The following SNX29 variants were observed in gnomAD, a reference collection of about 807,000 sequenced individuals.
SNX29 encodes sorting nexin-29.
Under a neutral mutation model 102.1 loss-of-function variants are expected in SNX29, and 78 were observed. The ratio of observed to expected loss-of-function variants is 0.76; its 90% CI spans 0.64 to 0.92. SNX29 has a LOEUF of 0.92. Ranked by LOEUF, SNX29 falls within the 40% of genes least tolerant of loss-of-function variation. SNX29 has a pLI of 0.00. For missense variants in SNX29, 1,280 were observed against 1,061.7 expected (o/e 1.21, Z -2.86); for synonymous variants, 580 against 414.5 (o/e 1.40, Z -4.85).
chr16:12,296,396 A>G (rs906164028), intron 15 of SNX29, among the ~76,000 whole-genome samples: 3 of 150,184 alleles, frequency 2.0e-5, no homozygotes, highest in African/African-American at 5.0e-5. Flanking sequence ...GAAATTTCCT[A>G]CAATTTTTTT....
chr16:12,348,942 C>T (rs2081911392), intron 15 of SNX29, among the ~76,000 whole-genome samples: 1 of 152,170 alleles, frequency 6.6e-6, no homozygotes, highest in Admixed American at 6.5e-5. Context: ...CCCACCCCTC[C>T]ACACTGTCAC....
intron 18 of SNX29, among the ~76,000 whole-genome samples, chr16:12,417,293 A>C (rs1295754985): frequency 2.0e-5 from 3 of 152,200 alleles, no homozygotes; most frequent in Non-Finnish European, 4.4e-5. Context: ...TGTGTTCAGC[A>C]TCTAGAGTGC....
chr16:12,460,207 C>T (rs1200093440), intron 18 of SNX29, among the ~76,000 whole-genome samples: 2 of 152,224 alleles, frequency 1.3e-5, no homozygotes, highest in African/African-American at 4.8e-5. Context: ...CCAACCACGG[C>T]TCGCAGCCAG....
intron 15 of SNX29, among the ~76,000 whole-genome samples, chr16:12,279,839 G>A (rs551005222): frequency 6.6e-5 from 10 of 152,314 alleles, no homozygotes; most frequent in Non-Finnish European, 8.8e-5. Flanking sequence ...GAAGGTGAAA[G>A]GGTTCTCAGA....
At chr16:12,275,677 G>A (rs1232762750) in intron 14 of SNX29, among the ~76,000 whole-genome samples, 2 of 113,906 alleles carry the variant, frequency 1.8e-5, no homozygotes, top group Non-Finnish European at 3.5e-5. Flanking sequence ...TGTTTTTTTT[G>A]TTTCCTCTCC....
intron 1 of SNX29, among the ~76,000 whole-genome samples, chr16:11,985,569 A>G (rs1159239228): frequency 2.0e-5 from 3 of 152,146 alleles, no homozygotes; most frequent in African/African-American, 7.2e-5. Context: ...CCGCTCCTCC[A>G]TGGAGCGGGC....
intron 20 of SNX29, among the ~76,000 whole-genome samples, chr16:12,563,274 C>T (rs1208869078): frequency 5.3e-5 from 8 of 152,080 alleles, no homozygotes; most frequent in Middle Eastern, 3.2e-3. Flanking sequence ...AGAGGAACGT[C>T]GGGTTCTGGA....
chr16:12,163,624 C>T (rs2055887967), intron 13 of SNX29, among the ~76,000 whole-genome samples: 1 of 152,118 alleles, frequency 6.6e-6, no homozygotes, highest in African/African-American at 2.4e-5. Context: ...GACTAGAAAT[C>T]TCCTGTAGAA....
intron 1 of SNX29, among the ~76,000 whole-genome samples, chr16:11,995,769 AAC>A (rs764599042): frequency 1.9e-4 from 29 of 152,188 alleles, no homozygotes; most frequent in Non-Finnish European, 4.0e-4. Context: ...GCTTACGAGA[AAC>A]ACAGAGTTGG....
At chr16:12,549,745 ACTTT>A (rs2077847702) in intron 20 of SNX29, among the ~76,000 whole-genome samples, 1 of 152,228 alleles carries the variant, frequency 6.6e-6, no homozygotes, top group Non-Finnish European at 1.5e-5. Flanking sequence ...TCCAGCATTT[ACTTT>A]GAGACCTGTT....
intron 16 of SNX29, among the ~76,000 whole-genome samples, chr16:12,376,422 A>T (rs1289077562): frequency 6.6e-6 from 1 of 152,126 alleles, no homozygotes; most frequent in African/African-American, 2.4e-5. Context: ...TGTAGGAATG[A>T]TTGATTGGTC....
At chr16:12,381,486 C>G (rs1192964841) in intron 16 of SNX29, among the ~76,000 whole-genome samples, 1 of 79,904 alleles carries the variant, frequency 1.3e-5, no homozygotes, top group Non-Finnish European at 2.4e-5. Flanking sequence ...CACCTAGCCA[C>G]CCACCCACTC....
At chr16:12,037,044 A>T (rs2057495697) in intron 4 of SNX29, among the ~76,000 whole-genome samples, 1 of 152,070 alleles carries the variant, frequency 6.6e-6, no homozygotes, top group African/African-American at 2.4e-5. Flanking sequence ...GTCTCGCTAC[A>T]TTATGGGGTG....
intron 15 of SNX29, among the ~76,000 whole-genome samples, chr16:12,304,022 G>C (rs897744008): frequency 6.6e-6 from 1 of 152,192 alleles, no homozygotes; most frequent in Admixed American, 6.5e-5. Flanking sequence ...AGTGTTTTCT[G>C]TTAACACATT....
rs574823250 is a variant in SNX29 at position 12,119,805 on chromosome 16, C to G, written c.1403-6828C>G. ...CTGTGTGGCCTGAGGCAAGTCACTT[C>G]CCTTCTCCTGGTCTCTGTTGCCTCA... is the stretch of plus-strand genomic sequence containing the variant. On this transcript the variant is annotated intron_variant, in intron 11 of 20. Transcript: ENST00000566228. Among the ~76,000 whole-genome samples the G allele has an allele frequency of 3.9e-5, 6 of 152,348 alleles. No individual in the cohort carries two copies. The South Asian group carries it at 1.2e-3, about 32-fold the overall frequency.
chr16:12,024,367 A>T (rs1398334665), intron 3 of SNX29, among the ~76,000 whole-genome samples: 1 of 151,856 alleles, frequency 6.6e-6, no homozygotes, highest in African/African-American at 2.4e-5. Flanking sequence ...GCTGGTCTTG[A>T]ACTCCTGACC....
intron 13 of SNX29, among the ~76,000 whole-genome samples, chr16:12,149,609 C>A (rs553388512): frequency 7.9e-5 from 12 of 152,252 alleles, no homozygotes; most frequent in African/African-American, 2.6e-4. Flanking sequence ...TAAGCACTTG[C>A]TAGCATTGTG....
intron 18 of SNX29, among the ~76,000 whole-genome samples, chr16:12,456,687 C>T (rs954917398): frequency 1.3e-5 from 2 of 151,892 alleles, no homozygotes; most frequent in African/African-American, 4.8e-5. Flanking sequence ...AGTGTGTGCA[C>T]CCGGTAGCAT....
intron 11 of SNX29, among the ~76,000 whole-genome samples, chr16:12,108,799 T>G (rs1469101081): frequency 1.3e-5 from 2 of 152,126 alleles, no homozygotes; most frequent in Admixed American, 6.6e-5. Flanking sequence ...GTTCGTTTTC[T>G]GTTGCTTATA....
Sources: gnomAD v4.1 joint callset for allele counts (sites outside exome capture counted in the v4.1 genomes callset) on GRCh38, gnomAD v4.1.1 for gene constraint, MANE v1.5 for transcripts, NCBI Gene and HGNC (gene_info 2026-07-23, HGNC 2026-07-21) for gene names.